Variants in MFNG observed in about 807,000 individuals in gnomAD.
The protein encoded by MFNG is beta-1,3-N-acetylglucosaminyltransferase manic fringe.
In MFNG, 24 loss-of-function variants were observed where a neutral mutation model predicts 34.2. That is an observed-to-expected ratio of 0.70 (90% confidence interval 0.51 to 0.99). The LOEUF (loss-of-function observed/expected upper bound fraction) is 0.99. Ranked by LOEUF, MFNG falls within the 50% of genes least tolerant of loss-of-function variation. MFNG has a pLI of 0.00. For synonymous variants in MFNG, 158 were observed against 179.2 expected (o/e 0.88, Z 0.94); for missense variants, 383 against 424.0 (o/e 0.90, Z 0.85).
rs987660061 is a variant in MFNG at position 37,482,327 on chromosome 22, C to T, written c.256-1558G>A. ...ACTCTTGGGATAAAGGCCAGCCTCC[C>T]TAAGTGTGGCCAGTGAGGGGCCACC... On this transcript the variant is annotated intron_variant, in intron 1 of 7. Transcript: ENST00000356998. The surrounding 1 kb of genome is among the most constrained non-coding windows in gnomAD (Gnocchi z 4.1). Among the ~76,000 whole-genome samples the T allele has an allele frequency of 5.7e-4, 87 of 152,310 alleles. No homozygotes were observed. The highest frequency in any genetic ancestry group is 2.1e-3 in the African/African-American group (86 of 41,558).
intron 6 of MFNG, 68 bp downstream of exon 6, chr22:37,474,444 G>A (rs1921946346): frequency 6.4e-7 from 1 of 1,564,000 alleles, no homozygotes; most frequent in African/African-American, 1.4e-5. Context: ...CAGGAGGGAG[G>A]GTTGGGGGGA....
At position 37,483,075 on chromosome 22, in the gene MFNG, A is replaced by C. The variant is rs185596891; in HGVS notation, c.256-2306T>G. ...CGTCTCCTGGGGGCTTAACACATCA[A>C]GACTGAGCCCCCGTTCTCCCCAAGA... On this transcript the variant is annotated intron_variant, in intron 1 of 7. Transcript: ENST00000356998. This position sits in a 1 kb window ranked among gnomAD's most constrained non-coding sequence, Gnocchi z 4.5. 1.4e-4 allele frequency among the ~76,000 whole-genome samples: 22 copies of C among 152,218 alleles called. No individual in the cohort carries two copies. Among genetic ancestry groups the C allele is most frequent in the African/African-American group, 5.1e-4 (21 of 41,534 alleles).
chr22:37,485,213 G>A lies in MFNG; in HGVS notation c.255+710C>T, dbSNP rs1054562405. On this transcript the variant is annotated intron_variant, in intron 1 of 7. Transcript: ENST00000356998. The surrounding 1 kb of genome is among the most constrained non-coding windows in gnomAD (Gnocchi z 5.3). ...CACACACACACACACACAATCCCACGTGCCAGGCAGGCCTCCCCAACCTCC... is the reference window on the plus strand; with the variant it reads ...CACACACACACACACACAATCCCACATGCCAGGCAGGCCTCCCCAACCTCC... Among the ~76,000 whole-genome samples, 4 of 150,718 alleles carry A rather than the reference G, an allele frequency of 2.7e-5. No individual in the cohort carries two copies. Among genetic ancestry groups the A allele is most frequent in the Non-Finnish European group, 5.9e-5 (4 of 67,804 alleles).
intron 2 of MFNG, 26 bp from the exon 3 acceptor site, chr22:37,480,325 G>T: frequency 2.5e-6 from 4 of 1,588,434 alleles, no homozygotes; most frequent in Non-Finnish European, 3.5e-6. Flanking sequence ...GGAGTCAGGG[G>T]ACCCTGCCCA....
At position 37,469,704 on chromosome 22, in the gene MFNG, C is replaced by T. The variant is rs2145723363; in HGVS notation, c.*259G>A. Reference sequence around the variant, plus strand: ...GCCCCCTGCCCTTTTTCAATTCAGCCTCCTGAGGGAGTCTAGCCCCTGGAG... The same window carrying T: ...GCCCCCTGCCCTTTTTCAATTCAGCTTCCTGAGGGAGTCTAGCCCCTGGAG... On this transcript the variant is annotated 3_prime_UTR_variant, in exon 8 of 8. Coordinates refer to ENST00000356998, the MANE Select transcript of MFNG (RefSeq NM_002405.4). The T allele has an allele frequency of 1.7e-6, 1 of 578,874 alleles. No homozygotes were observed. The highest frequency in any genetic ancestry group is 3.2e-6 in the Non-Finnish European group (1 of 310,242). The allele number at this position is 578,874 out of a possible 1,614,324, so 35.9% of individuals were successfully genotyped here.
intron 7 of MFNG, among the ~76,000 whole-genome samples, chr22:37,470,877 C>T (rs1049796496): frequency 6.6e-6 from 1 of 152,202 alleles, no homozygotes; most frequent in African/African-American, 2.4e-5. Context: ...CTACCTTGAG[C>T]AGGTCAAGGC....
intron 1 of MFNG, among the ~76,000 whole-genome samples, chr22:37,484,911 G>A (rs992696185): frequency 5.9e-5 from 9 of 152,050 alleles, no homozygotes; most frequent in Admixed American, 2.0e-4. Context: ...AGGAGGTCTC[G>A]ACTATCTCCA....
intron 7 of MFNG, among the ~76,000 whole-genome samples, chr22:37,471,755 C>G (rs1283651489): frequency 7.5e-6 from 1 of 132,980 alleles, no homozygotes; most frequent in Non-Finnish European, 1.5e-5. Flanking sequence ...TGTTTGAACC[C>G]GGGGGGCGGA....
intron 6 of MFNG, among the ~76,000 whole-genome samples, chr22:37,473,041 T>C (rs1275834044): frequency 6.6e-6 from 1 of 152,128 alleles, no homozygotes; most frequent in Admixed American, 6.5e-5. Context: ...ATATTAGCTG[T>C]GTGCCGTGGT....
rs972942315 is a variant in MFNG at position 37,483,731 on chromosome 22, C to T, written c.255+2192G>A. Among the ~76,000 whole-genome samples, 1 of 152,040 alleles carries T rather than the reference C, an allele frequency of 6.6e-6. No homozygotes were observed. Among genetic ancestry groups the T allele is most frequent in the Non-Finnish European group, 1.5e-5 (1 of 68,018 alleles). ...GAGGTTGCAGTGAGCCAGGATCGTG[C>T]CACTGCACTCCAGCCTGGAAAACAG... is the stretch of plus-strand genomic sequence containing the variant. On this transcript the variant is annotated intron_variant, in intron 1 of 7. Coordinates refer to ENST00000356998, the MANE Select transcript of MFNG (RefSeq NM_002405.4). This position sits in a 1 kb window ranked among gnomAD's most constrained non-coding sequence, Gnocchi z 4.5.
chr22:37,479,628 T>C, intron 3 of MFNG, 130 bp from the exon 4 acceptor site: 2 of 1,181,472 alleles, frequency 1.7e-6, no homozygotes, highest in Non-Finnish European at 2.4e-6. Flanking sequence ...TTAAGGCATC[T>C]GTTTTGTGCC....
At position 37,483,344 on chromosome 22, in the gene MFNG, G is replaced by A. The variant is rs551232250; in HGVS notation, c.256-2575C>T. 1.3e-4 allele frequency among the ~76,000 whole-genome samples: 20 copies of A among 152,056 alleles called. No homozygotes were observed. The highest frequency in any genetic ancestry group is 7.2e-4 in the Admixed American group (11 of 15,254). ...CTGCTCCCTGCCTCCACCCCAAGTC[G>A]GTTTTCAACACAGCCTCAAGGGATC... is the stretch of plus-strand genomic sequence containing the variant. On this transcript the variant is annotated intron_variant, in intron 1 of 7. Coordinates refer to ENST00000356998, the MANE Select transcript of MFNG (RefSeq NM_002405.4). This position sits in a 1 kb window ranked among gnomAD's most constrained non-coding sequence, Gnocchi z 4.5.
chr22:37,472,386 G>A (rs753121644), intron 7 of MFNG, 57 bp downstream of exon 7: 13 of 1,333,106 alleles, frequency 9.8e-6, no homozygotes, highest in Non-Finnish European at 1.1e-5. Flanking sequence ...CCCCATGTTT[G>A]GATGCCTGGA....
At chr22:37,484,760 G>C (rs1029776856) in intron 1 of MFNG, 32 of 152,412 alleles carry the variant, frequency 2.1e-4, no homozygotes, top group African/African-American at 7.5e-4. Flanking sequence ...GCCGTGTGGG[G>C]CCCAGAGAAG....
intron 5 of MFNG, 82 bp downstream of exon 5, chr22:37,476,814 C>T: frequency 2.6e-6 from 3 of 1,145,126 alleles, no homozygotes; most frequent in South Asian, 2.6e-5. Context: ...CTCTCAAAGC[C>T]CTTCCTGCTG....
At chr22:37,484,259 C>T (rs1922433663) in intron 1 of MFNG, 1 of 152,684 alleles carries the variant, frequency 6.5e-6, no homozygotes, top group Admixed American at 6.5e-5. Flanking sequence ...CCGCCCTTAA[C>T]CAGCCAGGCG....
At position 37,482,904 on chromosome 22, in the gene MFNG, G is replaced by A. The variant is rs1174035516; in HGVS notation, c.256-2135C>T. The stretch of plus-strand genomic sequence containing the variant: ...TGGTGGTGGTCCAAGCCTAGACCCT[G>A]GTCCGCTTCTCCATGAAGCCCACTC... On this transcript the variant is annotated intron_variant, in intron 1 of 7. Coordinates refer to ENST00000356998, the MANE Select transcript of MFNG (RefSeq NM_002405.4). This position sits in a 1 kb window ranked among gnomAD's most constrained non-coding sequence, Gnocchi z 4.1. 6.6e-6 allele frequency among the ~76,000 whole-genome samples: 1 copy of A among 152,244 alleles called. No individual in the cohort carries two copies. The highest frequency in any genetic ancestry group is 1.5e-5 in the Non-Finnish European group (1 of 68,012).
chr22:37,474,253 C>T (rs542060321), intron 6 of MFNG, among the ~76,000 whole-genome samples: 2 of 152,254 alleles, frequency 1.3e-5, no homozygotes, highest in South Asian at 2.1e-4. Flanking sequence ...TCCTTCCCGG[C>T]ATTTGAGGAC....
chr22:37,480,321 AGGG>A (rs1415140516), intron 2 of MFNG, 22 bp from the exon 3 acceptor site: 1 of 1,595,692 alleles, frequency 6.3e-7, no homozygotes, highest in Admixed American at 1.7e-5. Context: ...AGGAGGAGTC[AGGG>A]GACCCTGCCC....
Sources: allele counts gnomAD v4.1 joint callset (sites outside exome capture counted in the v4.1 genomes callset), GRCh38; gene constraint gnomAD v4.1.1; non-coding constraint Gnocchi (gnomAD v3.1); transcripts MANE v1.5; gene names NCBI Gene and HGNC (gene_info 2026-07-23, HGNC 2026-07-21).